Variants in GTPBP1 observed in about 807,000 individuals in gnomAD.
GTPBP1 encodes GTP-binding protein 1.
GTPBP1 carries 23 observed loss-of-function variants against 62.0 expected under a neutral mutation model. The observed-to-expected ratio is 0.37, with a 90% confidence interval of 0.27 to 0.53. The LOEUF (loss-of-function observed/expected upper bound fraction) is 0.53, where lower values mean the gene tolerates loss of function less well. Among genes scored for constraint, GTPBP1 ranks in the 20% least tolerant of loss-of-function variants. The pLI, the probability that GTPBP1 is intolerant of heterozygous loss-of-function variation, is 0.89. For synonymous variants in GTPBP1, 344 were observed against 364.4 expected (o/e 0.94, Z 0.64); for missense variants, 640 against 917.3 (o/e 0.70, Z 3.90).
At chr22:38,736,635 A>C, downstream of GTPBP1, 1 of 338,972 alleles carries the variant, frequency 3.0e-6, no homozygotes, top group South Asian at 5.8e-5. Context: ...TCGTTTTTTT[A>C]TTGTGATCAA....
At chr22:38,710,018 T>A (rs2092629321) in intron 2 of GTPBP1, among the ~76,000 whole-genome samples, 1 of 152,244 alleles carries the variant, frequency 6.6e-6, no homozygotes, top group South Asian at 2.1e-4. Flanking sequence ...ATTATGGGAT[T>A]ATCTTTGCTG....
intron 2 of GTPBP1, among the ~76,000 whole-genome samples, chr22:38,713,709 A>G (rs374770638): frequency 5.3e-4 from 80 of 152,310 alleles, no homozygotes; most frequent in African/African-American, 1.9e-3. Flanking sequence ...TTTTTACCCC[A>G]CTGTTAAAAG....
At chr22:38,738,449 C>T, downstream of GTPBP1, 1 of 1,261,798 alleles carries the variant, frequency 7.9e-7, no homozygotes, top group Non-Finnish European at 1.1e-6. The surrounding 1 kb of genome is among the most constrained non-coding windows in gnomAD (Gnocchi z 6.6). Flanking sequence ...GAAGTGCTGT[C>T]TCCCACCCTA....
chr22:38,734,550 A>G (rs1177678335), downstream of GTPBP1, among the ~76,000 whole-genome samples: 1 of 152,216 alleles, frequency 6.6e-6, no homozygotes, highest in Non-Finnish European at 1.5e-5. Flanking sequence ...CAAACACTGG[A>G]GGAGACCTGC....
rs1469016693 is a variant in GTPBP1 at position 38,726,774 on chromosome 22, A to G, written c.1401+334A>G. ...ATAGGACCATTGGGATCTGCGCCAC[A>G]TCCTCTTCCCATTCAGCCTTCTATC... On this transcript the variant is annotated intron_variant, in intron 8 of 11. Transcript: ENST00000216044. This position sits in a 1 kb window ranked among gnomAD's most constrained non-coding sequence, Gnocchi z 4.1. 6.6e-6 allele frequency among the ~76,000 whole-genome samples: 1 copy of G among 152,172 alleles called. No homozygotes were observed. The highest frequency in any genetic ancestry group is 1.5e-5 in the Non-Finnish European group (1 of 68,024).
chr22:38,714,271 G>A (rs1195056560), intron 2 of GTPBP1, among the ~76,000 whole-genome samples: 1 of 152,172 alleles, frequency 6.6e-6, no homozygotes, highest in African/African-American at 2.4e-5. Context: ...TTGAGGTCAG[G>A]AGTTCGAGAC....
At chr22:38,714,499 AG>A (rs2092658179) in intron 2 of GTPBP1, among the ~76,000 whole-genome samples, 1 of 150,474 alleles carries the variant, frequency 6.6e-6, no homozygotes, top group Non-Finnish European at 1.5e-5. Flanking sequence ...AAAAAAAAAA[AG>A]GCCACTGGTG....
downstream of GTPBP1, chr22:38,738,433 G>T: frequency 1.7e-6 from 2 of 1,168,064 alleles, no homozygotes. The surrounding 1 kb of genome is among the most constrained non-coding windows in gnomAD (Gnocchi z 6.6). Context: ...TAAGGTAACA[G>T]GGACTGAAGT....
Position 38,728,062 on chromosome 22 carries a change from T to C in GTPBP1, c.1617T>C (p.Thr539=), listed in dbSNP as rs1021681975. The C allele has an allele frequency of 6.2e-7, 1 of 1,613,050 alleles. No homozygotes were observed. The highest frequency in any genetic ancestry group is 8.5e-7 in the Non-Finnish European group (1 of 1,179,030). The part of the protein sequence containing the change: ...KDCLRTGDKA[T]VHFRFIKTPE... ...GTCTGCGCACTGGGGACAAGGCCAC[T>C]GTACACTTCCGCTTCATCAAGACCC... The change falls in exon 10 of 12, where the codon ACT becomes ACC. Residue 539 remains threonine, a synonymous_variant. Coordinates refer to ENST00000216044, the MANE Select transcript of GTPBP1 (RefSeq NM_004286.5).
chr22:38,706,184 C>T (rs2092603012), intron 1 of GTPBP1, 37 bp downstream of exon 1: 3 of 1,199,026 alleles, frequency 2.5e-6, no homozygotes, highest in Non-Finnish European at 2.1e-6. Flanking sequence ...CTGAGGGGAG[C>T]GGGCGGCTGG....
chr22:38,706,044 G>T lies in GTPBP1; in HGVS notation c.89G>T (p.Arg30Met), dbSNP rs1324961393. ...GAGCCCAGCTCCCCGGGGGCGGCCA[G>T]GGCCGCGGCGGCCGCCGCCCGACTC... ...APEPSSPGAA[R>M]AAAAAARLHG... The change falls in exon 1 of 12, where the codon AGG (arginine) becomes ATG (methionine). Residue 30 changes from arginine to methionine, a missense_variant. Arg to Met is a moderately conservative substitution (Grantham distance 91). This residue lies in a region of GTPBP1 where 215 missense variants were observed against 235.1 expected (regional missense o/e 0.91). Coordinates refer to ENST00000216044, the MANE Select transcript of GTPBP1 (RefSeq NM_004286.5). 7.3e-7 allele frequency: 1 copy of T among 1,375,756 alleles called. No homozygotes were observed. Among genetic ancestry groups the T allele is most frequent in the Admixed American group, 3.5e-5 (1 of 28,744 alleles). 85.2% of individuals were successfully genotyped at this position (1,375,756 alleles called of 1,614,324 possible).
intron 5 of GTPBP1, among the ~76,000 whole-genome samples, chr22:38,722,143 A>G (rs1444695437): frequency 6.6e-6 from 1 of 152,202 alleles, no homozygotes; most frequent in Non-Finnish European, 1.5e-5. Context: ...ATGTAGACAA[A>G]GTTAGCTAAT....
intron 5 of GTPBP1, chr22:38,722,598 C>T: frequency 1.8e-6 from 2 of 1,103,268 alleles, no homozygotes; most frequent in Non-Finnish European, 2.5e-6. Context: ...GTTTAAAAGG[C>T]CTTAGCCATT....
chr22:38,738,626 G>C (rs1569294641), downstream of GTPBP1: 1 of 1,614,026 alleles, frequency 6.2e-7, no homozygotes. The surrounding 1 kb of genome is among the most constrained non-coding windows in gnomAD (Gnocchi z 6.6). Context: ...AGATAGTGCT[G>C]TTGGGTGACA....
chr22:38,723,652 G>T, intron 5 of GTPBP1: 1 of 421,342 alleles, frequency 2.4e-6, no homozygotes, highest in Non-Finnish European at 4.2e-6. Flanking sequence ...TGTTCCTTCT[G>T]GTTCCAAATG....
chr22:38,719,891 C>G (rs2145862925), intron 4 of GTPBP1, among the ~76,000 whole-genome samples: 1 of 151,626 alleles, frequency 6.6e-6, no homozygotes, highest in South Asian at 2.1e-4. Context: ...ATGAATCAGT[C>G]ACCAGTTATC....
chr22:38,739,705 G>A (rs1469490243), downstream of GTPBP1: 4 of 1,611,026 alleles, frequency 2.5e-6, no homozygotes, highest in Non-Finnish European at 3.4e-6. This position sits in a 1 kb window ranked among gnomAD's most constrained non-coding sequence, Gnocchi z 6.7. Flanking sequence ...GTGTGGAGAG[G>A]GGCATGTGGG....
intron 2 of GTPBP1, among the ~76,000 whole-genome samples, chr22:38,712,346 G>A (rs1035386678): frequency 2.6e-5 from 4 of 152,158 alleles, no homozygotes; most frequent in African/African-American, 9.7e-5. Context: ...GGAATATATA[G>A]TGGACCAAAA....
At chr22:38,729,685 T>A in intron 11 of GTPBP1, 23 bp downstream of exon 11, 2 of 1,442,970 alleles carry the variant, frequency 1.4e-6, no homozygotes, top group Non-Finnish European at 1.8e-6. Context: ...CCCTCGCAGC[T>A]TCGGCATGGT....
Sources: allele counts gnomAD v4.1 joint callset (sites outside exome capture counted in the v4.1 genomes callset), GRCh38; gene constraint gnomAD v4.1.1; regional missense constraint gnomAD v4.1.1; non-coding constraint Gnocchi (gnomAD v3.1); transcripts MANE v1.5; gene names NCBI Gene and HGNC (gene_info 2026-07-23, HGNC 2026-07-21).